HTATIP2: variants seen among roughly 807,000 people sequenced by gnomAD.
HTATIP2 encodes the protein HIV-1 Tat interactive protein 2, also known as protein HTATIP2.
Under a neutral mutation model 24.7 loss-of-function variants are expected in HTATIP2, and 26 were observed. The ratio of observed to expected loss-of-function variants is 1.05; its 90% CI spans 0.77 to 1.46. HTATIP2 has a LOEUF of 1.46. Among genes scored for constraint, HTATIP2 ranks in the 40% most tolerant of loss-of-function variants. The pLI is 0.00. For missense variants in HTATIP2, 284 were observed against 289.6 expected (o/e 0.98, Z 0.14); for synonymous variants, 99 against 113.2 (o/e 0.87, Z 0.79).
intron 3 of HTATIP2, 76 bp downstream of exon 3, chr11:20,376,793 T>A: frequency 8.8e-7 from 1 of 1,132,312 alleles, no homozygotes; most frequent in Non-Finnish European, 1.2e-6. Context: ...TATAAAATAT[T>A]ATATAATACA....
In HTATIP2 at chr11:20,383,431, T is replaced by A; in HGVS notation, c.*226T>A. ...AAAATAAAGATTTGTCAGCCCTATC[T>A]CAAACTTGAATCAAAATTTCTGGGG... On this transcript the variant is annotated 3_prime_UTR_variant, in exon 5 of 5. Coordinates refer to ENST00000451739, the MANE Select transcript of HTATIP2 (RefSeq NM_001098522.2). 1 of 496,708 alleles carries A rather than the reference T, an allele frequency of 2.0e-6. No homozygotes were observed. 30.8% of individuals were successfully genotyped at this position (496,708 alleles called of 1,614,324 possible).
chr11:20,376,533 T>A, intron 2 of HTATIP2, 47 bp from the exon 3 acceptor site: 3 of 1,610,830 alleles, frequency 1.9e-6, no homozygotes, highest in Non-Finnish European at 1.7e-6. Context: ...ATCTTTAAGA[T>A]GAACTTGCTG....
In HTATIP2 at chr11:20,364,556, C is replaced by T. The variant is rs1291922268; in HGVS notation, c.195+124C>T. 3.7e-6 allele frequency: 3 copies of T among 815,842 alleles called. No individual in the cohort carries two copies. The African/African-American group carries it at 5.2e-5, about 14-fold the overall frequency. The allele number at this position is 815,842 out of a possible 1,614,324, so 50.5% of individuals were successfully genotyped here. A position where few individuals can be genotyped will look rare whatever the true frequency, so the allele number is the denominator to read the frequency against. ...GTAGTGAGAGGCCATCAAAACTTGG[C>T]CAAGATTGGTCTGTGAGAGTCCCTC... On this transcript the variant is annotated intron_variant, in intron 1 of 4. Transcript: ENST00000451739.
intron 2 of HTATIP2, 172 bp from the exon 3 acceptor site, chr11:20,376,408 C>A: frequency 1.5e-6 from 1 of 675,308 alleles, no homozygotes. Flanking sequence ...TCCAGAGGAC[C>A]AGACCTGGAG....
intron 1 of HTATIP2, among the ~76,000 whole-genome samples, chr11:20,365,311 A>T (rs192942010): frequency 9.2e-4 from 140 of 152,320 alleles, no homozygotes; most frequent in Non-Finnish European, 1.4e-3. Flanking sequence ...TTATGATTAT[A>T]GGAATGATAT....
At chr11:20,377,173 G>A (rs564788047) in intron 3 of HTATIP2, among the ~76,000 whole-genome samples, 2 of 147,922 alleles carry the variant, frequency 1.4e-5, no homozygotes, top group East Asian at 3.9e-4. Flanking sequence ...GAGTGCAGTG[G>A]CATGATCTTG....
intron 3 of HTATIP2, among the ~76,000 whole-genome samples, chr11:20,378,216 C>T (rs948594507): frequency 1.3e-5 from 2 of 152,062 alleles, no homozygotes; most frequent in Non-Finnish European, 2.9e-5. Flanking sequence ...AGATGAAGAT[C>T]AGTGAGCCAC....
At chr11:20,379,662 A>T (rs950628883) in intron 3 of HTATIP2, among the ~76,000 whole-genome samples, 2 of 152,078 alleles carry the variant, frequency 1.3e-5, no homozygotes, top group African/African-American at 4.8e-5. Flanking sequence ...CAGGATGTGG[A>T]GCCCAGAGTA....
At chr11:20,375,772 A>G (rs1211483158) in intron 2 of HTATIP2, among the ~76,000 whole-genome samples, 1 of 152,166 alleles carries the variant, frequency 6.6e-6, no homozygotes, top group African/African-American at 2.4e-5. Context: ...TTTTCTGGGT[A>G]AAGGTGCATG....
chr11:20,371,117 C>T (rs754932920), intron 2 of HTATIP2, among the ~76,000 whole-genome samples: 7 of 152,084 alleles, frequency 4.6e-5, no homozygotes, highest in Non-Finnish European at 1.0e-4. Context: ...AATGGTAGAG[C>T]TATATAGTTG....
Position 20,382,206 on chromosome 11 carries a change from TAA to T in HTATIP2, c.473_474del (p.Lys158IlefsTer2), listed in dbSNP as rs1220243508. The stretch of plus-strand genomic sequence containing the variant: ...GAAGTAGAAGCCAAGGTTGAAGAAT[TAA>T]AATTTGATCGTTACTCTGTATTTAG... On this transcript the variant is annotated frameshift_variant, in exon 4 of 5. Transcript: ENST00000451739. LOFTEE classifies it high-confidence loss of function. 6.3e-7 allele frequency: 1 copy of T among 1,594,832 alleles called. No individual in the cohort carries two copies. Among genetic ancestry groups the T allele is most frequent in the South Asian group, 1.1e-5 (1 of 90,574 alleles).
At chr11:20,367,397 A>C (rs2133264895) in intron 2 of HTATIP2, 116 bp downstream of exon 2, 1 of 1,572,940 alleles carries the variant, frequency 6.4e-7, no homozygotes, top group East Asian at 2.3e-5. Context: ...ATAAGCCTTT[A>C]TTGTTTAAGA....
In HTATIP2 at chr11:20,383,216, G is replaced by C; in HGVS notation, c.*11G>C. ...TCTCTCAAGCCATGACCACATTGGA[G>C]AAATGGTTTTTATTGTCAACCTTAA... On this transcript the variant is annotated 3_prime_UTR_variant, in exon 5 of 5. Coordinates refer to ENST00000451739, the MANE Select transcript of HTATIP2 (RefSeq NM_001098522.2). 1 of 1,600,430 alleles carries C rather than the reference G, an allele frequency of 6.2e-7. No individual in the cohort carries two copies. The highest frequency in any genetic ancestry group is 1.7e-5 in the Admixed American group (1 of 59,338).
Position 20,363,858 on chromosome 11 carries a change from C to T in HTATIP2, c.-380C>T. 8.0e-7 allele frequency: 1 copy of T among 1,244,946 alleles called. No homozygotes were observed. The highest frequency in any genetic ancestry group is 1.5e-5 in the African/African-American group (1 of 64,546). 77.1% of individuals were successfully genotyped at this position (1,244,946 alleles called of 1,614,324 possible). On this transcript the variant is annotated 5_prime_UTR_variant, in exon 1 of 5. Transcript: ENST00000451739. Reference sequence around the variant, plus strand: ...AGCGCGGCGGCGGCGGCTGCTCTGGCGGCCGCCCTGCTCCTGCTGCGTCGT... The same window carrying T: ...AGCGCGGCGGCGGCGGCTGCTCTGGTGGCCGCCCTGCTCCTGCTGCGTCGT...
chr11:20,376,511 A>G, intron 2 of HTATIP2, 69 bp from the exon 3 acceptor site: 1 of 1,570,468 alleles, frequency 6.4e-7, no homozygotes, highest in Admixed American at 1.7e-5. Context: ...CTGCTACCCA[A>G]GCCAAGTAGT....
Position 20,383,350 on chromosome 11 carries a change from C to A in HTATIP2, c.*145C>A. On this transcript the variant is annotated 3_prime_UTR_variant, in exon 5 of 5. Coordinates refer to ENST00000451739, the MANE Select transcript of HTATIP2 (RefSeq NM_001098522.2). Reference sequence around the variant, plus strand: ...ATTCCAATCAAGAAATGATGGTGCTCTGCATCAGTGGTTCAGAGCCTGGTT... The same window carrying A: ...ATTCCAATCAAGAAATGATGGTGCTATGCATCAGTGGTTCAGAGCCTGGTT... The A allele has an allele frequency of 1.6e-6, 1 of 639,112 alleles. No individual in the cohort carries two copies. Among genetic ancestry groups the A allele is most frequent in the Non-Finnish European group, 2.7e-6 (1 of 367,306 alleles). 39.6% of individuals were successfully genotyped at this position (639,112 alleles called of 1,614,324 possible).
At chr11:20,369,506 C>T (rs539626246) in intron 2 of HTATIP2, among the ~76,000 whole-genome samples, 1 of 152,300 alleles carries the variant, frequency 6.6e-6, no homozygotes, top group Non-Finnish European at 1.5e-5. Flanking sequence ...ACAACAGAAA[C>T]GTATTGTCTC....
At chr11:20,368,725 G>A (rs1363216765) in intron 2 of HTATIP2, among the ~76,000 whole-genome samples, 2 of 152,226 alleles carry the variant, frequency 1.3e-5, no homozygotes, top group African/African-American at 4.8e-5. Flanking sequence ...CATGACATAA[G>A]GCAAATCTCA....
chr11:20,376,693 C>T lies in HTATIP2; in HGVS notation c.417C>T (p.Ser139=). The T allele has an allele frequency of 6.2e-7, 1 of 1,610,004 alleles. No homozygotes were observed. The highest frequency in any genetic ancestry group is 8.5e-7 in the Non-Finnish European group (1 of 1,178,810). The change falls in exon 3 of 5, where the codon AGC becomes AGT. Residue 139 remains serine (S), a synonymous_variant. Coordinates refer to ENST00000451739, the MANE Select transcript of HTATIP2 (RefSeq NM_001098522.2). ...LLSSKGADKS[S]NFLYLQVKGE... ...CCTCTAAAGGAGCTGATAAATCAAG[C>T]AATTTTTTATATCTACAAGTTAAGG...
Sources: allele counts gnomAD v4.1 joint callset (sites outside exome capture counted in the v4.1 genomes callset), GRCh38; gene constraint gnomAD v4.1.1; transcripts MANE v1.5; gene names NCBI Gene and HGNC (gene_info 2026-07-23, HGNC 2026-07-21).